The following MAGI2 variants were observed in gnomAD, a reference collection of about 807,000 sequenced individuals.
The protein encoded by MAGI2 is membrane-associated guanylate kinase, WW and PDZ domain-containing protein 2.
MAGI2 carries 35 observed loss-of-function variants against 133.3 expected under a neutral mutation model. The ratio of observed to expected loss-of-function variants is 0.26; its 90% CI spans 0.20 to 0.35. The LOEUF is 0.35. Among genes scored for constraint, MAGI2 ranks in the 10% least tolerant of loss-of-function variants. The probability of loss-of-function intolerance (pLI) is 1.00; values close to 1 mark genes in which losing one functional copy is unlikely to be tolerated. For missense variants in MAGI2, 1,636 were observed against 1,863.4 expected (o/e 0.88, Z 2.25); for synonymous variants, 729 against 710.6 (o/e 1.03, Z -0.41).
rs890455996 is a variant in MAGI2 at position 78,017,964 on chromosome 7, G to A, written c.*1351C>T. 3.3e-5 allele frequency: 5 copies of A among 152,332 alleles called. No individual in the cohort carries two copies. Among genetic ancestry groups the A allele is most frequent in the Admixed American group, 6.5e-5 (1 of 15,306 alleles). 9.4% of individuals were successfully genotyped at this position (152,332 alleles called of 1,614,324 possible). A position where few individuals can be genotyped will look rare whatever the true frequency, so the allele number is the denominator to read the frequency against. On this transcript the variant is annotated 3_prime_UTR_variant, in exon 22 of 22. Coordinates refer to ENST00000354212, the MANE Select transcript of MAGI2 (RefSeq NM_012301.4). ...AAGAAATTGCCTTCAGAAACACTTT[G>A]CCTTTTAATATGTGTAGCTACAGTA...
intron 1 of MAGI2, among the ~76,000 whole-genome samples, chr7:79,242,457 C>A (rs774666701): frequency 2.8e-4 from 43 of 152,148 alleles, no homozygotes; most frequent in Admixed American, 4.6e-4. Context: ...TTAATTATCA[C>A]CTCATTCTCA....
intron 1 of MAGI2, among the ~76,000 whole-genome samples, chr7:79,443,611 C>T (rs962794941): frequency 6.6e-6 from 1 of 152,102 alleles, no homozygotes; most frequent in African/African-American, 2.4e-5. Flanking sequence ...AGCAAAAATA[C>T]TCACTTGTAA....
intron 1 of MAGI2, among the ~76,000 whole-genome samples, chr7:79,421,518 A>C (rs1030093204): frequency 6.6e-6 from 1 of 151,952 alleles, no homozygotes; most frequent in African/African-American, 2.4e-5. Context: ...TAATGAAGGA[A>C]TTAAACTTAC....
At chr7:79,204,113 A>T (rs1468192872) in intron 1 of MAGI2, among the ~76,000 whole-genome samples, 2 of 152,120 alleles carry the variant, frequency 1.3e-5, no homozygotes, top group East Asian at 3.8e-4. Context: ...ATGTGAGTGC[A>T]AAACTTTACC....
intron 1 of MAGI2, among the ~76,000 whole-genome samples, chr7:79,375,969 A>AT (rs888762793): frequency 4.0e-5 from 6 of 151,858 alleles, no homozygotes; most frequent in African/African-American, 9.6e-5. Flanking sequence ...TGTTGGTTTA[A>AT]TTTTTTTTCT....
intron 18 of MAGI2, 64 bp from the exon 19 acceptor site, chr7:78,127,480 C>T (rs1408899679): frequency 1.5e-6 from 2 of 1,307,068 alleles, no homozygotes; most frequent in African/African-American, 1.4e-5. Flanking sequence ...AGAGTGATCA[C>T]ACGGCCTCCA....
intron 2 of MAGI2, among the ~76,000 whole-genome samples, chr7:78,653,853 C>T (rs1021295962): frequency 1.3e-5 from 2 of 151,288 alleles, no homozygotes; most frequent in Non-Finnish European, 2.9e-5. Context: ...CTTGTCCATC[C>T]TCATTAGACT....
chr7:78,399,757 A>T (rs1796677823), intron 6 of MAGI2, among the ~76,000 whole-genome samples: 2 of 135,646 alleles, frequency 1.5e-5, no homozygotes, highest in African/African-American at 5.4e-5. Flanking sequence ...GTGAGCTGAG[A>T]TTGCACCACT....
chr7:79,121,433 A>AC (rs1266872958), intron 1 of MAGI2, among the ~76,000 whole-genome samples: 1 of 152,140 alleles, frequency 6.6e-6, no homozygotes, highest in African/African-American at 2.4e-5. Flanking sequence ...TCTAAAAAAA[A>AC]AAATTTTTAC....
chr7:78,633,637 C>T (rs1386885528), intron 2 of MAGI2, among the ~76,000 whole-genome samples: 2 of 140,824 alleles, frequency 1.4e-5, no homozygotes, highest in Non-Finnish European at 3.0e-5. Flanking sequence ...ACCCGGAAGG[C>T]GGAGCTTGCA....
At chr7:78,707,921 A>G (rs1018464801) in intron 2 of MAGI2, among the ~76,000 whole-genome samples, 4 of 152,144 alleles carry the variant, frequency 2.6e-5, no homozygotes, top group Admixed American at 2.6e-4. Flanking sequence ...TCAAAGTAAA[A>G]TGTAAGTAAA....
At chr7:78,169,646 TCTG>T (rs1186195703) in intron 14 of MAGI2, among the ~76,000 whole-genome samples, 1 of 152,208 alleles carries the variant, frequency 6.6e-6, no homozygotes, top group East Asian at 1.9e-4. Flanking sequence ...CCACACTACT[TCTG>T]CTTTCCCCTT....
chr7:78,300,210 G>T (rs756035360), intron 9 of MAGI2, among the ~76,000 whole-genome samples: 4 of 151,890 alleles, frequency 2.6e-5, no homozygotes, highest in Non-Finnish European at 5.9e-5. Context: ...CTTGCTGCTG[G>T]GTCTTAGCAT....
At chr7:79,375,667 A>G (rs986817355) in intron 1 of MAGI2, among the ~76,000 whole-genome samples, 8 of 152,028 alleles carry the variant, frequency 5.3e-5, no homozygotes, top group African/African-American at 1.9e-4. Context: ...GATAATTCAA[A>G]TGAACTTCAA....
chr7:78,094,648 C>T (rs968859294), intron 20 of MAGI2, among the ~76,000 whole-genome samples: 2 of 152,134 alleles, frequency 1.3e-5, no homozygotes, highest in African/African-American at 4.8e-5. Context: ...AAGGATATCA[C>T]ATTATTAATG....
rs185313997 is a variant in MAGI2 at position 78,364,607 on chromosome 7, T to C, written c.1103+4549A>G. Among the ~76,000 whole-genome samples the C allele has an allele frequency of 1.9e-3, 287 of 152,338 alleles. 1 individual carries two copies. Among genetic ancestry groups the C allele is most frequent in the Non-Finnish European group, 3.2e-3 (219 of 68,034 alleles). On this transcript the variant is annotated intron_variant, in intron 7 of 21. Coordinates refer to ENST00000354212, the MANE Select transcript of MAGI2 (RefSeq NM_012301.4). ...TCCACTATCATTTTAACTACAGTTA[T>C]ATGGTTTGCTTCTCTGTCTCTGCCA... is the stretch of plus-strand genomic sequence containing the variant.
chr7:78,649,220 G>A (rs1471429099), intron 2 of MAGI2, among the ~76,000 whole-genome samples: 1 of 3,914 alleles, frequency 2.6e-4, no homozygotes, highest in Non-Finnish European at 3.9e-4. Context: ...GATGACTTGT[G>A]GTAAAAAAAA....
intron 2 of MAGI2, among the ~76,000 whole-genome samples, chr7:78,824,880 T>C (rs1445123355): frequency 2.0e-5 from 3 of 152,180 alleles, no homozygotes; most frequent in Non-Finnish European, 2.9e-5. Context: ...TAGAATACTA[T>C]GCAGCCATAA....
intron 10 of MAGI2, chr7:78,255,549 G>A (rs950015755): frequency 5.4e-6 from 2 of 372,992 alleles, no homozygotes; most frequent in South Asian, 2.9e-5. Context: ...ACCTAAGCAC[G>A]ATTAAAAGCG....
Sources: allele counts gnomAD v4.1 joint callset (sites outside exome capture counted in the v4.1 genomes callset), GRCh38; gene constraint gnomAD v4.1.1; transcripts MANE v1.5; gene names NCBI Gene and HGNC (gene_info 2026-07-23, HGNC 2026-07-21).